Variants in RALGAPA2 observed in about 807,000 individuals in gnomAD.
RALGAPA2 encodes the protein ral GTPase-activating protein subunit alpha-2.
A neutral mutation model predicts 230.4 loss-of-function variants in RALGAPA2; 139 were observed. That is an observed-to-expected ratio of 0.60 (90% confidence interval 0.53 to 0.69). RALGAPA2 has a LOEUF of 0.69. Ranked by LOEUF, RALGAPA2 falls within the 30% of genes least tolerant of loss-of-function variation. RALGAPA2 has a pLI of 0.00. For missense variants in RALGAPA2, 2,163 were observed against 2,276.0 expected (o/e 0.95, Z 1.01); for synonymous variants, 847 against 837.8 (o/e 1.01, Z -0.19).
chr20:20,443,192 G>GT (rs1482487869), intron 37 of RALGAPA2, among the ~76,000 whole-genome samples: 2 of 152,266 alleles, frequency 1.3e-5, no homozygotes, highest in East Asian at 3.9e-4. Context: ...GTCTAAAAAG[G>GT]TAAGATTGTA....
At chr20:20,551,533 A>C (rs192804942) in intron 23 of RALGAPA2, among the ~76,000 whole-genome samples, 8 of 152,346 alleles carry the variant, frequency 5.3e-5, no homozygotes, top group African/African-American at 1.9e-4. Context: ...GGTTATGAGA[A>C]AGTAACTGGT....
intron 37 of RALGAPA2, among the ~76,000 whole-genome samples, chr20:20,459,631 G>A (rs1240745413): frequency 3.3e-5 from 5 of 151,636 alleles, no homozygotes; most frequent in South Asian, 2.1e-4. Context: ...AGACCCTTGC[G>A]CCCTGAAAAA....
chr20:20,453,451 C>CG (rs1259494864), intron 37 of RALGAPA2, among the ~76,000 whole-genome samples: 1 of 152,008 alleles, frequency 6.6e-6, no homozygotes, highest in Non-Finnish European at 1.5e-5. Flanking sequence ...CTGATTACTG[C>CG]GGGGGGTGGG....
chr20:20,506,493 C>T (rs942320513), intron 33 of RALGAPA2, among the ~76,000 whole-genome samples: 6 of 152,132 alleles, frequency 3.9e-5, no homozygotes, highest in Admixed American at 6.5e-5. Context: ...CTTATTCAAA[C>T]GGAGCTTTGA....
chr20:20,487,621 T>C (rs1385448540), intron 36 of RALGAPA2, among the ~76,000 whole-genome samples: 2 of 152,112 alleles, frequency 1.3e-5, no homozygotes, highest in Admixed American at 1.3e-4. Flanking sequence ...GAAAATAGTT[T>C]CTCTTGGCTG....
At chr20:20,519,760 G>C (rs1207709707) in intron 31 of RALGAPA2, among the ~76,000 whole-genome samples, 2 of 152,132 alleles carry the variant, frequency 1.3e-5, no homozygotes, top group Non-Finnish European at 2.9e-5. Flanking sequence ...CCCTCACTCT[G>C]CTGTCCTTAA....
chr20:20,700,160 C>T (rs1322716761), intron 1 of RALGAPA2, among the ~76,000 whole-genome samples: 1 of 152,230 alleles, frequency 6.6e-6, no homozygotes, highest in East Asian at 1.9e-4. Context: ...TCTACAGCAA[C>T]GTGAATGCAG....
intron 39 of RALGAPA2, among the ~76,000 whole-genome samples, chr20:20,394,173 C>T (rs956606875): frequency 6.6e-6 from 1 of 152,144 alleles, no homozygotes; most frequent in Non-Finnish European, 1.5e-5. Flanking sequence ...TTCACAGACG[C>T]ATCTTTTTTC....
intron 35 of RALGAPA2, among the ~76,000 whole-genome samples, chr20:20,498,871 A>G (rs184919983): frequency 8.5e-5 from 13 of 152,354 alleles, no homozygotes; most frequent in Non-Finnish European, 1.6e-4. Flanking sequence ...GACAAATCCA[A>G]TAGCACAGCT....
rs2063072577 is a variant in RALGAPA2, at chr20:20,522,446, G to T, written c.3901-1346C>A. ...CACTCAAAAATAATGTTGAGCAAAAGATGTCAGACAAAAGAGGATATACTG... is the reference window on the plus strand; with the variant it reads ...CACTCAAAAATAATGTTGAGCAAAATATGTCAGACAAAAGAGGATATACTG... On this transcript the variant is annotated intron_variant, in intron 30 of 39. Transcript: ENST00000202677. Among the ~76,000 whole-genome samples the T allele has an allele frequency of 2.6e-5, 4 of 152,310 alleles. No homozygotes were observed. The South Asian group carries it at 8.3e-4, about 32-fold the overall frequency.
intron 3 of RALGAPA2, among the ~76,000 whole-genome samples, chr20:20,669,744 T>G (rs181752594): frequency 2.6e-5 from 4 of 152,228 alleles, no homozygotes; most frequent in Non-Finnish European, 5.9e-5. Flanking sequence ...CTGTGTGACA[T>G]GTCTGTTTCT....
At chr20:20,642,445 AG>A (rs549567447) in intron 5 of RALGAPA2, among the ~76,000 whole-genome samples, 66 of 152,258 alleles carry the variant, frequency 4.3e-4, no homozygotes, top group African/African-American at 1.6e-3. Flanking sequence ...TCCTGACCTC[AG>A]GCAATTTGCC....
At chr20:20,507,925 T>C (rs139120699) in intron 33 of RALGAPA2, among the ~76,000 whole-genome samples, 159 of 152,344 alleles carry the variant, frequency 1.0e-3, no homozygotes, top group African/African-American at 3.6e-3. Flanking sequence ...TCTCTACATA[T>C]GTAAAAACTC....
chr20:20,606,998 A>G (rs112460572), intron 14 of RALGAPA2, among the ~76,000 whole-genome samples: 21 of 152,222 alleles, frequency 1.4e-4, no homozygotes, highest in African/African-American at 4.6e-4. Flanking sequence ...CCTTATACCC[A>G]AAGTCTATGT....
intron 18 of RALGAPA2, among the ~76,000 whole-genome samples, chr20:20,585,811 C>T (rs1214053270): frequency 2.0e-5 from 3 of 152,046 alleles, no homozygotes; most frequent in African/African-American, 7.2e-5. Context: ...TCTAAAAAGA[C>T]ACAGCTGCCA....
intron 1 of RALGAPA2, among the ~76,000 whole-genome samples, chr20:20,691,492 G>GA (rs1180501391): frequency 1.3e-5 from 2 of 151,948 alleles, no homozygotes; most frequent in Admixed American, 6.6e-5. Flanking sequence ...TAATCCATGT[G>GA]AAAAAAACCA....
chr20:20,692,465 T>C (rs1327969639), intron 1 of RALGAPA2, among the ~76,000 whole-genome samples: 4 of 152,194 alleles, frequency 2.6e-5, no homozygotes, highest in Admixed American at 6.5e-5. Context: ...CTCTTCCTAA[T>C]AGAGCCTCCA....
chr20:20,560,556 C>G (rs374275995), intron 23 of RALGAPA2, among the ~76,000 whole-genome samples: 4 of 152,164 alleles, frequency 2.6e-5, no homozygotes, highest in Non-Finnish European at 5.9e-5. Context: ...ACTTTTCTCA[C>G]GGAAACAAAA....
chr20:20,445,590 C>G (rs897881199), intron 37 of RALGAPA2, among the ~76,000 whole-genome samples: 1 of 152,158 alleles, frequency 6.6e-6, no homozygotes, highest in Non-Finnish European at 1.5e-5. Context: ...ATCAACCCAC[C>G]CACCCAATTA....
Sources: gnomAD v4.1 joint callset for allele counts (sites outside exome capture counted in the v4.1 genomes callset) on GRCh38, gnomAD v4.1.1 for gene constraint, MANE v1.5 for transcripts, NCBI Gene and HGNC (gene_info 2026-07-23, HGNC 2026-07-21) for gene names.